The following PACRG variants were observed in gnomAD, a reference collection of about 807,000 sequenced individuals.
PACRG encodes the protein parkin coregulated.
Under a neutral mutation model 29.7 loss-of-function variants are expected in PACRG, and 29 were observed. The observed-to-expected ratio is 0.98, with a 90% CI of 0.73 to 1.33. The LOEUF (loss-of-function observed/expected upper bound fraction) is 1.33. Among genes scored for constraint, PACRG ranks in the 40% most tolerant of loss-of-function variants. PACRG has a pLI of 0.00. For missense variants in PACRG, 279 were observed against 316.2 expected (o/e 0.88, Z 0.89); for synonymous variants, 116 against 118.7 (o/e 0.98, Z 0.15).
At chr6:163,128,882 T>C (rs966649457) in intron 4 of PACRG, among the ~76,000 whole-genome samples, 1 of 152,212 alleles carries the variant, frequency 6.6e-6, no homozygotes, top group African/African-American at 2.4e-5. Context: ...CTAAAGAACG[T>C]ATAATAAAAA....
At chr6:162,834,561 G>C (rs1789054435) in intron 2 of PACRG, among the ~76,000 whole-genome samples, 1 of 151,476 alleles carries the variant, frequency 6.6e-6, no homozygotes, top group African/African-American at 2.4e-5. Flanking sequence ...CAAAGACCCT[G>C]ATTCTGACAT....
chr6:163,270,574 AT>A (rs1403854819), intron 4 of PACRG, among the ~76,000 whole-genome samples: 10 of 151,950 alleles, frequency 6.6e-5, no homozygotes, highest in African/African-American at 2.4e-4. Flanking sequence ...GGATCTCACC[AT>A]ATTGCCCAGG....
At chr6:162,814,087 A>G (rs996835134) in intron 1 of PACRG, 60 bp from the exon 2 acceptor site, 64 of 1,494,482 alleles carry the variant, frequency 4.3e-5, no homozygotes, top group Non-Finnish European at 5.2e-5. Flanking sequence ...AAGTTCTTTT[A>G]TTATGAATTT....
chr6:162,988,750 G>A (rs1242926656), intron 2 of PACRG, among the ~76,000 whole-genome samples: 2 of 152,204 alleles, frequency 1.3e-5, no homozygotes, highest in South Asian at 2.1e-4. Context: ...AAACTATGGT[G>A]CAATCTCTTA....
chr6:163,185,480 C>G (rs555431663), intron 4 of PACRG, among the ~76,000 whole-genome samples: 3 of 152,106 alleles, frequency 2.0e-5, no homozygotes, highest in Non-Finnish European at 4.4e-5. Flanking sequence ...ACTGTTACTT[C>G]AACACTTGGT....
chr6:162,977,417 A>AC (rs35800179), intron 2 of PACRG, among the ~76,000 whole-genome samples: 1 of 150,930 alleles, frequency 6.6e-6, no homozygotes, highest in Non-Finnish European at 1.5e-5. Flanking sequence ...AAAAAAAAAA[A>AC]CCAGCAATAA....
intron 2 of PACRG, among the ~76,000 whole-genome samples, chr6:163,035,242 G>T (rs12663101): frequency 6.6e-6 from 1 of 152,206 alleles, no homozygotes; most frequent in Non-Finnish European, 1.5e-5. Context: ...GCCGGGCACA[G>T]TGGCTCATGC....
chr6:163,213,830 A>G (rs1273186963), intron 4 of PACRG, among the ~76,000 whole-genome samples: 1 of 152,194 alleles, frequency 6.6e-6, no homozygotes, highest in African/African-American at 2.4e-5. Context: ...TTCTGTTTTT[A>G]CATTTTAATT....
intron 3 of PACRG, among the ~76,000 whole-genome samples, chr6:163,068,169 T>C (rs1045043452): frequency 6.6e-6 from 1 of 152,214 alleles, no homozygotes; most frequent in African/African-American, 2.4e-5. Flanking sequence ...CTTTGTCTTG[T>C]TTTCCTCATC....
intron 2 of PACRG, among the ~76,000 whole-genome samples, chr6:162,913,978 TTGTC>T (rs1368484650): frequency 8.1e-6 from 1 of 123,162 alleles, no homozygotes; most frequent in East Asian, 2.4e-4. Context: ...TAAACATGCT[TTGTC>T]TATGTGTTTC....
intron 2 of PACRG, among the ~76,000 whole-genome samples, chr6:162,882,615 T>G (rs919787598): frequency 6.6e-6 from 1 of 152,112 alleles, no homozygotes; most frequent in Non-Finnish European, 1.5e-5. Context: ...ACCTCCTGGG[T>G]ATGGACCCTG....
At chr6:162,864,496 C>G (rs986181873) in intron 2 of PACRG, among the ~76,000 whole-genome samples, 1 of 152,084 alleles carries the variant, frequency 6.6e-6, no homozygotes, top group Non-Finnish European at 1.5e-5. Context: ...TACAATGAGA[C>G]AGATGACAGA....
chr6:163,065,201 T>C (rs1024391411), intron 3 of PACRG, among the ~76,000 whole-genome samples: 2 of 152,168 alleles, frequency 1.3e-5, no homozygotes, highest in African/African-American at 2.4e-5. Context: ...TCTTGAGTTA[T>C]TTTGGGTCAG....
At chr6:162,983,209 G>A (rs1345914048) in intron 2 of PACRG, among the ~76,000 whole-genome samples, 2 of 151,878 alleles carry the variant, frequency 1.3e-5, no homozygotes, top group African/African-American at 2.4e-5. Flanking sequence ...TATGCATTAG[G>A]TGAGTCTCTT....
chr6:162,737,769 G>A (rs1048150212), intron 1 of PACRG, among the ~76,000 whole-genome samples: 2 of 152,014 alleles, frequency 1.3e-5, no homozygotes, highest in Non-Finnish European at 2.9e-5. Flanking sequence ...AGTTGGAAAT[G>A]ATCATATAAC....
intron 2 of PACRG, chr6:163,044,675 A>T (rs929906253): frequency 1.3e-5 from 2 of 152,014 alleles, no homozygotes; most frequent in Non-Finnish European, 2.9e-5. Context: ...TCTCACAAAT[A>T]CTCTAGTCCC....
intron 4 of PACRG, among the ~76,000 whole-genome samples, chr6:163,284,085 C>T (rs1422824757): frequency 3.3e-5 from 5 of 152,014 alleles, no homozygotes; most frequent in Admixed American, 3.3e-4. Flanking sequence ...TGCACTCCAG[C>T]CTGGGCAACA....
chr6:163,227,206 G>A (rs969445059), intron 4 of PACRG, among the ~76,000 whole-genome samples: 2 of 152,112 alleles, frequency 1.3e-5, no homozygotes, highest in African/African-American at 2.4e-5. Context: ...AGGAGGCCTC[G>A]GGAAGCTTCT....
At chr6:163,297,804 C>T (rs1296005010) in intron 4 of PACRG, among the ~76,000 whole-genome samples, 1 of 152,196 alleles carries the variant, frequency 6.6e-6, no homozygotes, top group African/African-American at 2.4e-5. Context: ...CGACCCCTCA[C>T]AGCCACCTGA....
Sources: allele counts gnomAD v4.1 joint callset (sites outside exome capture counted in the v4.1 genomes callset), GRCh38; gene constraint gnomAD v4.1.1; transcripts MANE v1.5; gene names NCBI Gene and HGNC (gene_info 2026-07-23, HGNC 2026-07-21).